Variants in C10orf90 observed in about 807,000 individuals in gnomAD.
C10orf90 encodes the protein (E2-independent) E3 ubiquitin-conjugating enzyme FATS.
A neutral mutation model predicts 62.5 loss-of-function variants in C10orf90; 56 were observed. The observed-to-expected ratio is 0.90, with a 90% confidence interval of 0.72 to 1.12. The LOEUF is 1.12. Among genes scored for constraint, C10orf90 ranks in the 50% most tolerant of loss-of-function variants. The pLI, the probability that C10orf90 is intolerant of heterozygous loss-of-function variation, is 0.00. For synonymous variants in C10orf90, 386 were observed against 340.4 expected (o/e 1.13, Z -1.47); for missense variants, 970 against 880.4 (o/e 1.10, Z -1.29).
chr10:126,594,137 G>A, intron 2 of C10orf90, among the ~76,000 whole-genome samples: 1 of 134,974 alleles, frequency 7.4e-6, no homozygotes, highest in East Asian at 2.3e-4. Context: ...AACCTAAAAT[G>A]AAGTCAATCT....
At chr10:126,475,701 A>G (rs1372973563) in intron 4 of C10orf90, among the ~76,000 whole-genome samples, 1 of 152,194 alleles carries the variant, frequency 6.6e-6, no homozygotes, top group Non-Finnish European at 1.5e-5. Flanking sequence ...ACCTTAATTC[A>G]TGGTCATGGG....
intron 7 of C10orf90, among the ~76,000 whole-genome samples, chr10:126,445,803 G>GTATATATATATATATA (rs1227032547): frequency 1.5e-5 from 1 of 67,042 alleles, no homozygotes; most frequent in African/African-American, 6.5e-5. Flanking sequence ...AGAAACTGTG[G>GTATATATATATATATA]TGTATATATA....
intron 2 of C10orf90, among the ~76,000 whole-genome samples, chr10:126,550,049 G>A (rs565921618): frequency 1.3e-5 from 2 of 150,618 alleles, no homozygotes; most frequent in African/African-American, 4.9e-5. Flanking sequence ...TCAGCCTCCC[G>A]GGTTCAAGCA....
intron 1 of C10orf90, among the ~76,000 whole-genome samples, chr10:126,662,563 T>C (rs1173613099): frequency 6.6e-6 from 1 of 152,196 alleles, no homozygotes; most frequent in African/African-American, 2.4e-5. Context: ...TACTGGGTTC[T>C]GTTTAGGTTT....
At position 126,504,718 on chromosome 10, in the gene C10orf90, TC is replaced by T. The variant is rs1862613803; in HGVS notation, c.772del (p.Asp258ThrfsTer47). ...ARALVWGTAGDSLCPKCRAED... is the reference protein window; with the variant it reads ...ARALVWGTAGXSLCPKCRAED... The stretch of plus-strand genomic sequence containing the variant: ...AGCCCTGCACTTGGGGCACAGAGAG[TC>T]CCCAGCAGTCCCCCACACCAGGGCG... On this transcript the variant is annotated frameshift_variant, in exon 4 of 10. Coordinates refer to ENST00000488181, the MANE Select transcript of C10orf90 (RefSeq NM_001350921.2). LOFTEE classifies it high-confidence loss of function. This position sits in a 1 kb window ranked among gnomAD's most constrained non-coding sequence, Gnocchi z 4.1. 1.1e-5 allele frequency: 17 copies of T among 1,605,536 alleles called. No homozygotes were observed. The East Asian group carries it at 3.8e-4, about 36-fold the overall frequency.
At chr10:126,573,146 C>G (rs1844542165) in intron 2 of C10orf90, among the ~76,000 whole-genome samples, 1 of 152,106 alleles carries the variant, frequency 6.6e-6, no homozygotes, top group African/African-American at 2.4e-5. Context: ...ATTCCTGTCC[C>G]TTTTAAGGGC....
chr10:126,493,633 G>A (rs1246356931), intron 4 of C10orf90, among the ~76,000 whole-genome samples: 2 of 152,116 alleles, frequency 1.3e-5, no homozygotes, highest in Non-Finnish European at 2.9e-5. Flanking sequence ...TGGGATTACA[G>A]GAGTGAGCAG....
chr10:126,483,217 C>T (rs1288737953), intron 4 of C10orf90, among the ~76,000 whole-genome samples: 1 of 152,246 alleles, frequency 6.6e-6, no homozygotes, highest in Non-Finnish European at 1.5e-5. Flanking sequence ...AAACCAAGAG[C>T]ATTTCATTCT....
intron 2 of C10orf90, among the ~76,000 whole-genome samples, chr10:126,607,438 T>TC (rs1845336886): frequency 6.6e-6 from 1 of 152,172 alleles, no homozygotes; most frequent in Non-Finnish European, 1.5e-5. Flanking sequence ...CAGGCATGAG[T>TC]ATTTGGCAGA....
Position 126,503,989 on chromosome 10 carries a change from G to A in C10orf90, c.1502C>T (p.Ser501Phe). 6.2e-7 allele frequency: 1 copy of A among 1,613,000 alleles called. No individual in the cohort carries two copies. Among genetic ancestry groups the A allele is most frequent in the Non-Finnish European group, 8.5e-7 (1 of 1,179,822 alleles). The change falls in exon 4 of 10, where the codon TCC becomes TTC. Residue 501 changes from serine (S) to phenylalanine (F), a missense_variant. By Grantham distance (155) the Ser-to-Phe change is radical. Transcript: ENST00000488181. ...CHASDHANQL[S>F]IHIPGWSYRA... is the part of the protein sequence containing the mutation. ...GTAACTCCAGCCAGGAATGTGAATG[G>A]ACAGTTGGTTGGCATGATCGCTGGC...
chr10:126,443,582 A>G (rs759959979), intron 7 of C10orf90, among the ~76,000 whole-genome samples: 1 of 152,180 alleles, frequency 6.6e-6, no homozygotes, highest in East Asian at 1.9e-4. Flanking sequence ...ATTCTAGAGC[A>G]GAATTCTACT....
At chr10:126,547,632 A>T (rs1864532743) in intron 2 of C10orf90, among the ~76,000 whole-genome samples, 1 of 152,064 alleles carries the variant, frequency 6.6e-6, no homozygotes, top group South Asian at 2.1e-4. Context: ...AACAAATGAA[A>T]TGAAAAAGCC....
chr10:126,557,428 G>A lies in C10orf90; in HGVS notation c.314-43489C>T, dbSNP rs188274148. The stretch of plus-strand genomic sequence containing the variant: ...GTGGGAGGCAGAGCTTGCAGTGAGC[G>A]GAGATCATGCCACTGCACTCCAGCC... On this transcript the variant is annotated intron_variant, in intron 2 of 9. Transcript: ENST00000488181. Among the ~76,000 whole-genome samples the A allele has an allele frequency of 9.9e-3, 1,490 of 150,302 alleles. 23 individuals carry two copies. Among genetic ancestry groups the A allele is most frequent in the African/African-American group, 0.035 (1,419 of 40,730 alleles).
intron 7 of C10orf90, among the ~76,000 whole-genome samples, chr10:126,432,471 A>C (rs2133991861): frequency 6.6e-6 from 1 of 152,354 alleles, no homozygotes; most frequent in African/African-American, 2.4e-5. Flanking sequence ...GAAGCTGGAC[A>C]AGTCAAAAAC....
At chr10:126,548,394 C>G (rs1564866937) in intron 2 of C10orf90, among the ~76,000 whole-genome samples, 1 of 152,000 alleles carries the variant, frequency 6.6e-6, no homozygotes, top group Non-Finnish European at 1.5e-5. Context: ...TAGACAAAGT[C>G]TCTCGCTCTG....
intron 3 of C10orf90, among the ~76,000 whole-genome samples, chr10:126,506,456 C>T (rs1862737515): frequency 6.6e-6 from 1 of 152,262 alleles, no homozygotes; most frequent in African/African-American, 2.4e-5. Context: ...TAAGCTCCCA[C>T]TGCTTGCAGA....
chr10:126,634,461 G>A (rs530523966), intron 2 of C10orf90, among the ~76,000 whole-genome samples: 2 of 152,146 alleles, frequency 1.3e-5, no homozygotes, highest in African/African-American at 4.8e-5. Flanking sequence ...GAGCTGGAAG[G>A]CAGGGAAACA....
At chr10:126,582,118 G>A (rs1195177011) in intron 2 of C10orf90, among the ~76,000 whole-genome samples, 1 of 152,186 alleles carries the variant, frequency 6.6e-6, no homozygotes, top group East Asian at 1.9e-4. Flanking sequence ...ACTTGTTCCT[G>A]GGGTTAGCCT....
chr10:126,526,956 A>G (rs772813651), intron 2 of C10orf90, among the ~76,000 whole-genome samples: 9 of 152,198 alleles, frequency 5.9e-5, no homozygotes, highest in Admixed American at 3.3e-4. Flanking sequence ...CCTATGTTGC[A>G]TCTCTTCAAC....
Sources: gnomAD v4.1 joint callset for allele counts (sites outside exome capture counted in the v4.1 genomes callset) on GRCh38, gnomAD v4.1.1 for gene constraint, Gnocchi (gnomAD v3.1) non-coding constraint, MANE v1.5 for transcripts, NCBI Gene and HGNC (gene_info 2026-07-23, HGNC 2026-07-21) for gene names.